Variants in TXNRD3 observed in about 807,000 individuals in gnomAD.
TXNRD3 encodes the protein thioredoxin reductase 3, also known as TXNRD3 neighbor gene protein.
Under a neutral mutation model 78.2 loss-of-function variants are expected in TXNRD3, and 68 were observed. The observed-to-expected ratio is 0.87, with a 90% CI of 0.72 to 1.06. The LOEUF (loss-of-function observed/expected upper bound fraction) is 1.06. TXNRD3 is among the 50% of genes least tolerant of loss of function. The probability of loss-of-function intolerance (pLI) is 0.00; values close to 1 mark genes in which losing one functional copy is unlikely to be tolerated. For synonymous variants in TXNRD3, 296 were observed against 300.1 expected (o/e 0.99, Z 0.14); for missense variants, 751 against 809.5 (o/e 0.93, Z 0.88).
intron 10 of TXNRD3, among the ~76,000 whole-genome samples, chr3:126,626,917 C>T (rs1313251392): frequency 6.6e-6 from 1 of 151,752 alleles, no homozygotes; most frequent in Non-Finnish European, 1.5e-5. Flanking sequence ...ACAGTGAGAC[C>T]CCAACCGTAA....
rs1938069585 is a variant in TXNRD3 at position 126,607,320 on chromosome 3, A to T, written c.*585T>A. On this transcript the variant is annotated 3_prime_UTR_variant, in exon 16 of 16. Transcript: ENST00000524230. ...GTGAAGCATGAGTCAGCGTTTTGAC[A>T]GTAGGTTAAATGTGCCTCAAAAAAG... 1 of 152,376 alleles carries T rather than the reference A, an allele frequency of 6.6e-6. No homozygotes were observed. The highest frequency in any genetic ancestry group is 2.4e-5 in the African/African-American group (1 of 41,440). 9.4% of individuals were successfully genotyped at this position (152,376 alleles called of 1,614,324 possible).
Position 126,608,506 on chromosome 3 carries a change from C to T in TXNRD3, c.1856G>A (p.Cys619Tyr). 1 of 1,533,926 alleles carries T rather than the reference C, an allele frequency of 6.5e-7. No homozygotes were observed. The highest frequency in any genetic ancestry group is 2.4e-5 in the East Asian group (1 of 40,870). The change falls in exon 15 of 16, where the codon TGT (cysteine) becomes TAT (tyrosine). Residue 619 changes from cysteine to tyrosine, a missense_variant. Cys to Tyr is a radical substitution (Grantham distance 194). Coordinates refer to ENST00000524230, the MANE Select transcript of TXNRD3 (RefSeq NM_052883.3). Reference sequence around the variant, plus strand: ...AAACCTCCTGTTTCCTACCTCCCCACATGTGGGGTGAATTCCAATGGTGTC... The same window carrying T: ...AAACCTCCTGTTTCCTACCTCCCCATATGTGGGGTGAATTCCAATGGTGTC...
intron 12 of TXNRD3, among the ~76,000 whole-genome samples, chr3:126,618,037 G>A (rs866173698): frequency 3.9e-4 from 59 of 152,244 alleles, no homozygotes; most frequent in African/African-American, 1.4e-3. Context: ...ACTCTACAAT[G>A]AAAACTGCAA....
intron 13 of TXNRD3, among the ~76,000 whole-genome samples, chr3:126,614,640 C>T (rs374994074): frequency 3.6e-4 from 55 of 152,220 alleles, no homozygotes; most frequent in African/African-American, 1.1e-3. Context: ...TTCCCCAGCA[C>T]CAGAAATTTA....
intron 12 of TXNRD3, among the ~76,000 whole-genome samples, chr3:126,621,363 T>C (rs1357449656): frequency 6.6e-6 from 1 of 152,228 alleles, no homozygotes; most frequent in Non-Finnish European, 1.5e-5. Flanking sequence ...AGTCCACTTA[T>C]GAAGGCTTTC....
intron 13 of TXNRD3, among the ~76,000 whole-genome samples, chr3:126,611,502 G>C (rs913390535): frequency 1.3e-5 from 2 of 152,156 alleles, no homozygotes; most frequent in African/African-American, 4.8e-5. Flanking sequence ...CTGATAACAA[G>C]GCTCACATTC....
At chr3:126,620,294 C>CAAAAAAA in intron 12 of TXNRD3, among the ~76,000 whole-genome samples, 1 of 99,518 alleles carries the variant, frequency 1.0e-5, no homozygotes, top group Non-Finnish European at 2.0e-5. Context: ...GACTCTGTCT[C>CAAAAAAA]AAAAAAAAAA....
intron 12 of TXNRD3, among the ~76,000 whole-genome samples, chr3:126,617,165 A>C (rs2107611781): frequency 1.3e-5 from 2 of 152,218 alleles, no homozygotes; most frequent in Middle Eastern, 6.8e-3. Context: ...CACATCTTAC[A>C]TCATCTCCTT....
At chr3:126,646,072 G>A in intron 3 of TXNRD3, 39 bp downstream of exon 3, 1 of 1,419,184 alleles carries the variant, frequency 7.0e-7, no homozygotes, top group Non-Finnish European at 9.3e-7. Flanking sequence ...TTTAAAATAT[G>A]AACAAACAGC....
Position 126,654,814 on chromosome 3 carries a change from GA to G in TXNRD3, c.176del (p.Leu59ProfsTer11). 7.0e-7 allele frequency: 1 copy of G among 1,422,588 alleles called. No individual in the cohort carries two copies. The highest frequency in any genetic ancestry group is 9.2e-7 in the Non-Finnish European group (1 of 1,089,186). 88.1% of individuals were successfully genotyped at this position (1,422,588 alleles called of 1,614,324 possible). A position where few individuals can be genotyped will look rare whatever the true frequency, so the allele number is the denominator to read the frequency against. On this transcript the variant is annotated frameshift_variant, in exon 1 of 16. Transcript: ENST00000524230. LOFTEE classifies it high-confidence loss of function. The stretch of plus-strand genomic sequence containing the variant: ...CCCGGCTGCGCTCGATGAGGCCCAC[GA>G]GGTGGCGGCGCAGCTCCTCGCGGGC...
At chr3:126,611,467 T>C (rs1165688664) in intron 13 of TXNRD3, among the ~76,000 whole-genome samples, 1 of 152,206 alleles carries the variant, frequency 6.6e-6, no homozygotes, top group Non-Finnish European at 1.5e-5. Context: ...AGTTGAAGAC[T>C]GAGATCCTGA....
intron 2 of TXNRD3, among the ~76,000 whole-genome samples, chr3:126,647,003 T>G (rs569777730): frequency 6.6e-6 from 1 of 152,304 alleles, no homozygotes; most frequent in Admixed American, 6.5e-5. Context: ...AGGGAGCAGC[T>G]TATATATCTT....
At chr3:126,642,246 A>C in intron 5 of TXNRD3, 95 bp from the exon 6 acceptor site, 7 of 1,377,414 alleles carry the variant, frequency 5.1e-6, no homozygotes, top group Non-Finnish European at 5.7e-6. Flanking sequence ...TGACAAGCTC[A>C]ATGGTGGGGG....
chr3:126,648,481 C>G (rs903066234), intron 1 of TXNRD3, among the ~76,000 whole-genome samples: 3 of 152,158 alleles, frequency 2.0e-5, no homozygotes, highest in Non-Finnish European at 4.4e-5. Context: ...CAGTGCCGTA[C>G]TGGCATAAAG....
intron 12 of TXNRD3, among the ~76,000 whole-genome samples, chr3:126,619,738 T>C (rs1938403626): frequency 6.6e-6 from 1 of 152,134 alleles, no homozygotes. Flanking sequence ...CATAAATAAA[T>C]GACAAACGTT....
At chr3:126,618,863 C>CAAAAAAAAAA (rs36021189) in intron 12 of TXNRD3, among the ~76,000 whole-genome samples, 1 of 73,108 alleles carries the variant, frequency 1.4e-5, no homozygotes, top group African/African-American at 4.6e-5. Flanking sequence ...AACTCAGAGC[C>CAAAAAAAAAA]AAAAAAAAAA....
intron 1 of TXNRD3, among the ~76,000 whole-genome samples, chr3:126,650,420 C>T (rs1389404358): frequency 2.6e-5 from 4 of 151,996 alleles, no homozygotes; most frequent in African/African-American, 9.7e-5. Flanking sequence ...GGCGGTGGAT[C>T]ACTTGAGTGC....
intron 6 of TXNRD3, among the ~76,000 whole-genome samples, chr3:126,636,863 G>A (rs1413411625): frequency 1.3e-5 from 2 of 152,026 alleles, no homozygotes; most frequent in Non-Finnish European, 2.9e-5. Flanking sequence ...GGCCCAGGAT[G>A]GCTTCAAATG....
intron 1 of TXNRD3, among the ~76,000 whole-genome samples, chr3:126,648,177 A>T (rs1559780361): frequency 3.3e-5 from 5 of 152,232 alleles, no homozygotes; most frequent in Admixed American, 6.5e-5. Context: ...AGAAAGCAAA[A>T]GACTTGGATG....
Sources: gnomAD v4.1 joint callset for allele counts (sites outside exome capture counted in the v4.1 genomes callset) on GRCh38, gnomAD v4.1.1 for gene constraint, MANE v1.5 for transcripts, NCBI Gene and HGNC (gene_info 2026-07-23, HGNC 2026-07-21) for gene names.